The following CADM1 variants were observed in gnomAD, a reference collection of about 807,000 sequenced individuals.
CADM1 encodes the protein cell adhesion molecule 1.
CADM1 carries 15 observed loss-of-function variants against 53.1 expected under a neutral mutation model. The ratio of observed to expected loss-of-function variants is 0.28; its 90% confidence interval spans 0.19 to 0.44. The LOEUF is 0.44. Ranked by LOEUF, CADM1 falls within the 20% of genes least tolerant of loss-of-function variation. CADM1 has a pLI of 1.00. For synonymous variants in CADM1, 281 were observed against 243.0 expected (o/e 1.16, Z -1.45); for missense variants, 434 against 611.3 (o/e 0.71, Z 3.06).
chr11:115,297,278 C>T (rs577082912), intron 1 of CADM1, among the ~76,000 whole-genome samples: 22 of 152,246 alleles, frequency 1.4e-4, no homozygotes, highest in Middle Eastern at 3.4e-3. Flanking sequence ...CACTGACAGA[C>T]CGTCTAGGAT....
chr11:115,405,885 T>C (rs1449380149), intron 1 of CADM1, among the ~76,000 whole-genome samples: 1 of 152,030 alleles, frequency 6.6e-6, no homozygotes, highest in African/African-American at 2.4e-5. Flanking sequence ...GGAGGAAGGA[T>C]AAGGAGTAAG....
At chr11:115,334,665 A>C (rs1945219665) in intron 1 of CADM1, among the ~76,000 whole-genome samples, 1 of 152,132 alleles carries the variant, frequency 6.6e-6, no homozygotes, top group African/African-American at 2.4e-5. Context: ...TCAGACATCC[A>C]CTGGGGATCT....
chr11:115,371,347 G>A (rs960483424), intron 1 of CADM1, among the ~76,000 whole-genome samples: 2 of 152,028 alleles, frequency 1.3e-5, no homozygotes, highest in Non-Finnish European at 2.9e-5. Context: ...TACAAATAAA[G>A]TGGTATAACA....
Position 115,494,048 on chromosome 11 carries a change from G to A in CADM1, c.124+10223C>T, listed in dbSNP as rs1486360689. ...CAGGAAAATGTCTTTATTCTTAGGC[G>A]CTACATGCTGAAGTATTCATCATGA... On this transcript the variant is annotated intron_variant, in intron 1 of 11. Coordinates refer to ENST00000331581, the MANE Select transcript of CADM1 (RefSeq NM_001301043.2). 2.0e-5 allele frequency among the ~76,000 whole-genome samples: 3 copies of A among 152,194 alleles called. No individual in the cohort carries two copies. In the East Asian group the frequency reaches 5.8e-4, roughly 29 times the overall value.
intron 5 of CADM1, among the ~76,000 whole-genome samples, chr11:115,221,067 C>G (rs1565306613): frequency 6.6e-6 from 1 of 152,186 alleles, no homozygotes; most frequent in Non-Finnish European, 1.5e-5. Flanking sequence ...TCTGGGGGAT[C>G]ATTTTACGCC....
intron 1 of CADM1, among the ~76,000 whole-genome samples, chr11:115,368,653 A>C (rs1204393920): frequency 6.6e-6 from 1 of 152,126 alleles, no homozygotes; most frequent in Non-Finnish European, 1.5e-5. Flanking sequence ...TTTTCCTTGT[A>C]GCATATTTTT....
intron 1 of CADM1, among the ~76,000 whole-genome samples, chr11:115,271,367 C>T (rs1943293220): frequency 6.6e-6 from 1 of 152,154 alleles, no homozygotes; most frequent in Non-Finnish European, 1.5e-5. Flanking sequence ...ACTGCAAGCT[C>T]TGCCTCCCGG....
intron 1 of CADM1, among the ~76,000 whole-genome samples, chr11:115,250,850 A>G (rs1942581587): frequency 6.6e-6 from 1 of 152,214 alleles, no homozygotes; most frequent in Non-Finnish European, 1.5e-5. Flanking sequence ...GTTGGAACCA[A>G]TATCTGAATC....
intron 5 of CADM1, among the ~76,000 whole-genome samples, chr11:115,220,338 C>T (rs566054464): frequency 2.6e-5 from 4 of 152,162 alleles, no homozygotes; most frequent in African/African-American, 9.6e-5. Flanking sequence ...TTTTATGTTC[C>T]TAATGAGCTG....
At chr11:115,455,410 T>C (rs1948662325) in intron 1 of CADM1, among the ~76,000 whole-genome samples, 1 of 151,690 alleles carries the variant, frequency 6.6e-6, no homozygotes, top group Non-Finnish European at 1.5e-5. Flanking sequence ...AAATCATATA[T>C]ATATATAGAG....
chr11:115,335,438 A>G (rs10431038), intron 1 of CADM1, among the ~76,000 whole-genome samples: 2 of 152,192 alleles, frequency 1.3e-5, no homozygotes, highest in East Asian at 3.9e-4. Context: ...AGTATATGGG[A>G]AATAAAATAG....
chr11:115,317,574 C>A (rs1944702256), intron 1 of CADM1, among the ~76,000 whole-genome samples: 1 of 152,116 alleles, frequency 6.6e-6, no homozygotes, highest in Non-Finnish European at 1.5e-5. Flanking sequence ...TTCCTCTGAC[C>A]AGTTCCCAAG....
chr11:115,371,483 C>T (rs1033839847), intron 1 of CADM1, among the ~76,000 whole-genome samples: 18 of 151,550 alleles, frequency 1.2e-4, no homozygotes, highest in African/African-American at 3.9e-4. Flanking sequence ...ATACTCAACA[C>T]AAAATAAGAC....
chr11:115,440,247 T>C lies in CADM1; in HGVS notation c.124+64024A>G, dbSNP rs182151303. The stretch of plus-strand genomic sequence containing the variant: ...GTATGGATACGCTAAACAGCAAACA[T>C]TTCATCTCCTGACAGAGGCTTTCCC... On this transcript the variant is annotated intron_variant, in intron 1 of 11. Coordinates refer to ENST00000331581, the MANE Select transcript of CADM1 (RefSeq NM_001301043.2). 4.1e-3 allele frequency among the ~76,000 whole-genome samples: 627 copies of C among 152,316 alleles called. 1 individual carries two copies. Among genetic ancestry groups the C allele is most frequent in the Middle Eastern group, 6.8e-3 (2 of 294 alleles).
At chr11:115,250,138 C>T (rs1227352910) in intron 1 of CADM1, among the ~76,000 whole-genome samples, 1 of 152,132 alleles carries the variant, frequency 6.6e-6, no homozygotes, top group Non-Finnish European at 1.5e-5. Context: ...CTCCTGACCT[C>T]GTGATCTGCC....
chr11:115,305,053 T>C (rs1297132993), intron 1 of CADM1, among the ~76,000 whole-genome samples: 5 of 151,960 alleles, frequency 3.3e-5, no homozygotes, highest in Non-Finnish European at 5.9e-5. Context: ...AATAGACACC[T>C]AGACAGGAGA....
chr11:115,462,051 A>T (rs1948807247), intron 1 of CADM1, among the ~76,000 whole-genome samples: 1 of 152,196 alleles, frequency 6.6e-6, no homozygotes, highest in South Asian at 2.1e-4. Context: ...GAGCTAGCCC[A>T]AGTGCTGCCA....
intron 1 of CADM1, among the ~76,000 whole-genome samples, chr11:115,402,002 A>C (rs1021994475): frequency 1.3e-5 from 2 of 152,168 alleles, no homozygotes; most frequent in South Asian, 2.1e-4. Context: ...ACAAAAAAAA[A>C]CCCACATAAC....
intron 1 of CADM1, among the ~76,000 whole-genome samples, chr11:115,433,145 C>T (rs1948098555): frequency 6.6e-6 from 1 of 152,150 alleles, no homozygotes; most frequent in South Asian, 2.1e-4. Context: ...CCAAACATCA[C>T]ACACACACTA....
Sources: gnomAD v4.1 joint callset for allele counts (sites outside exome capture counted in the v4.1 genomes callset) on GRCh38, gnomAD v4.1.1 for gene constraint, MANE v1.5 for transcripts, NCBI Gene and HGNC (gene_info 2026-07-23, HGNC 2026-07-21) for gene names.